ZNRF2: variants seen among roughly 807,000 people sequenced by gnomAD.
ZNRF2 encodes zinc and ring finger 2, also known as E3 ubiquitin-protein ligase ZNRF2.
Under a neutral mutation model 20.4 loss-of-function variants are expected in ZNRF2, and 16 were observed. The observed-to-expected ratio is 0.79, with a 90% CI of 0.53 to 1.19. The LOEUF (loss-of-function observed/expected upper bound fraction) is 1.19. Among genes scored for constraint, ZNRF2 ranks in the 50% most tolerant of loss-of-function variants. The pLI, the probability that ZNRF2 is intolerant of heterozygous loss-of-function variation, is 0.00. For synonymous variants in ZNRF2, 178 were observed against 144.9 expected (o/e 1.23, Z -1.64); for missense variants, 363 against 332.4 (o/e 1.09, Z -0.72).
At chr7:30,364,918 T>C (rs1055793656) in intron 4 of ZNRF2, among the ~76,000 whole-genome samples, 9 of 152,262 alleles carry the variant, frequency 5.9e-5, no homozygotes, top group East Asian at 1.9e-4. Context: ...ATCTGGTGTC[T>C]GATGAGGGCT....
intron 1 of ZNRF2, among the ~76,000 whole-genome samples, chr7:30,286,416 A>G (rs572806580): frequency 6.6e-6 from 1 of 152,262 alleles, no homozygotes; most frequent in East Asian, 1.9e-4. Context: ...GCTACTTAAG[A>G]TCACAGTTAA....
intron 2 of ZNRF2, among the ~76,000 whole-genome samples, chr7:30,349,722 A>G (rs1331118772): frequency 1.3e-5 from 2 of 152,122 alleles, no homozygotes; most frequent in Non-Finnish European, 2.9e-5. Context: ...AGATAAAGAT[A>G]TTAGCTTTGT....
intron 1 of ZNRF2, among the ~76,000 whole-genome samples, chr7:30,309,466 T>C (rs1003641241): frequency 6.6e-6 from 1 of 152,210 alleles, no homozygotes; most frequent in Non-Finnish European, 1.5e-5. Context: ...GACTCTTTAC[T>C]CTTAGAAGCA....
chr7:30,322,873 G>C (rs1375902438), intron 1 of ZNRF2, among the ~76,000 whole-genome samples: 1 of 152,090 alleles, frequency 6.6e-6, no homozygotes, highest in Non-Finnish European at 1.5e-5. Context: ...CTTCACCTTG[G>C]TAAGTGAGGG....
At chr7:30,298,061 A>G (rs2391856) in intron 1 of ZNRF2, among the ~76,000 whole-genome samples, 9 of 151,786 alleles carry the variant, frequency 5.9e-5, no homozygotes, top group South Asian at 2.1e-4. Context: ...TCTTTTGTCA[A>G]TTTTTATTTG....
chr7:30,319,126 A>G (rs892925373), intron 1 of ZNRF2, among the ~76,000 whole-genome samples: 4 of 151,792 alleles, frequency 2.6e-5, no homozygotes, highest in Non-Finnish European at 4.4e-5. Flanking sequence ...AAAAAAAAAA[A>G]TGTCGTTTTA....
intron 1 of ZNRF2, among the ~76,000 whole-genome samples, chr7:30,313,952 ATT>A (rs941813369): frequency 2.6e-5 from 4 of 152,186 alleles, no homozygotes; most frequent in Non-Finnish European, 5.9e-5. Context: ...ACTCTCTCAT[ATT>A]ATAAATTAAG....
At chr7:30,343,086 A>T (rs997952911) in intron 2 of ZNRF2, among the ~76,000 whole-genome samples, 4 of 152,144 alleles carry the variant, frequency 2.6e-5, no homozygotes, top group Admixed American at 6.5e-5. Flanking sequence ...CAGGAGGATC[A>T]CTTGAGACCC....
intron 2 of ZNRF2, among the ~76,000 whole-genome samples, chr7:30,347,271 T>C (rs919016180): frequency 4.6e-5 from 7 of 152,246 alleles, no homozygotes; most frequent in African/African-American, 1.4e-4. Flanking sequence ...TTATTTCTCT[T>C]TTGTGAGCCT....
At chr7:30,355,671 C>CT (rs900507773) in intron 2 of ZNRF2, 57 bp from the exon 3 acceptor site, 176 of 1,445,318 alleles carry the variant, frequency 1.2e-4, no homozygotes, top group Admixed American at 3.0e-4. Context: ...TCACGTAATT[C>CT]TTTTTTCAAT....
At chr7:30,314,579 TAAAAGCAAA>T (rs1799338577) in intron 1 of ZNRF2, among the ~76,000 whole-genome samples, 1 of 151,676 alleles carries the variant, frequency 6.6e-6, no homozygotes, top group Non-Finnish European at 1.5e-5. Flanking sequence ...GTATCAGTAA[TAAAAGCAAA>T]AAAGGGAAAA....
chr7:30,308,027 C>T (rs1016019236), intron 1 of ZNRF2, among the ~76,000 whole-genome samples: 6 of 152,130 alleles, frequency 3.9e-5, no homozygotes, highest in Non-Finnish European at 5.9e-5. Context: ...GAAATCCTCC[C>T]CTTTGTTTTC....
chr7:30,346,170 A>ATTTTTTTTTTTT lies in ZNRF2; in HGVS notation c.566-9535_566-9524dup, dbSNP rs70980598. On this transcript the variant is annotated intron_variant, in intron 2 of 4. Coordinates refer to ENST00000323037, the MANE Select transcript of ZNRF2 (RefSeq NM_147128.4). ...TGTTTTTTTTTTTCTGTTAAGTCTG[A>ATTTTTTTTTTTT]TTTTTTTTTTTTTTTTTTTTTTTTT... Among the ~76,000 whole-genome samples, 35 of 23,702 alleles carry ATTTTTTTTTTTT rather than the reference A, an allele frequency of 1.5e-3. 3 individuals carry two copies. Among genetic ancestry groups the ATTTTTTTTTTTT allele is most frequent in the Admixed American group, 4.0e-3 (4 of 1,008 alleles). The allele number at this position is 23,702 out of a possible 152,430, so 15.5% of individuals were successfully genotyped here. A position where few individuals can be genotyped will look rare whatever the true frequency, so the allele number is the denominator to read the frequency against.
At chr7:30,319,218 C>T (rs1370528713) in intron 1 of ZNRF2, among the ~76,000 whole-genome samples, 2 of 152,072 alleles carry the variant, frequency 1.3e-5, no homozygotes, top group Non-Finnish European at 2.9e-5. Context: ...TAGTTCACTG[C>T]AGCCTCAAAC....
intron 3 of ZNRF2, among the ~76,000 whole-genome samples, chr7:30,356,360 T>A (rs1205834463): frequency 6.6e-6 from 1 of 151,424 alleles, no homozygotes. Context: ...GTACTTAAGT[T>A]AAGATGAGGT....
intron 2 of ZNRF2, among the ~76,000 whole-genome samples, chr7:30,326,544 G>A (rs1157922618): frequency 6.6e-6 from 1 of 152,164 alleles, no homozygotes. Flanking sequence ...CATTTGATGG[G>A]CATTTAGGTT....
intron 3 of ZNRF2, among the ~76,000 whole-genome samples, chr7:30,357,694 GAC>G (rs1321561398): frequency 1.3e-5 from 2 of 152,074 alleles, no homozygotes; most frequent in Non-Finnish European, 2.9e-5. Flanking sequence ...TGTGAATTCA[GAC>G]ACAGAAGAAA....
intron 1 of ZNRF2, among the ~76,000 whole-genome samples, chr7:30,317,878 C>T (rs1195328337): frequency 6.6e-6 from 1 of 152,150 alleles, no homozygotes; most frequent in African/African-American, 2.4e-5. Flanking sequence ...ACCTGAAGAG[C>T]TTTGTATGGC....
intron 2 of ZNRF2, among the ~76,000 whole-genome samples, chr7:30,347,987 A>G (rs1025266644): frequency 6.6e-6 from 1 of 152,132 alleles, no homozygotes; most frequent in Non-Finnish European, 1.5e-5. Context: ...GTTTTGCCTT[A>G]ATATCTCAGG....
Sources: gnomAD v4.1 joint callset for allele counts (sites outside exome capture counted in the v4.1 genomes callset) on GRCh38, gnomAD v4.1.1 for gene constraint, MANE v1.5 for transcripts, NCBI Gene and HGNC (gene_info 2026-07-23, HGNC 2026-07-21) for gene names.